The following PSMA1 variants were observed in gnomAD, a reference collection of about 807,000 sequenced individuals.
PSMA1 encodes the protein proteasome subunit alpha type-1.
In PSMA1, 3 loss-of-function variants were observed where a neutral mutation model predicts 38.4. The ratio of observed to expected loss-of-function variants is 0.08; its 90% CI spans 0.04 to 0.20. The LOEUF (loss-of-function observed/expected upper bound fraction) is 0.20, where lower values mean the gene tolerates loss of function less well. PSMA1 is among the 10% of genes least tolerant of loss of function. The pLI is 1.00. For missense variants in PSMA1, 227 were observed against 325.3 expected (o/e 0.70, Z 2.32); for synonymous variants, 101 against 107.1 (o/e 0.94, Z 0.35).
At chr11:14,557,665 G>A (rs1851956462) in intron 2 of PSMA1, among the ~76,000 whole-genome samples, 1 of 152,116 alleles carries the variant, frequency 6.6e-6, no homozygotes. Context: ...CATTCAGTCT[G>A]TAGACTTCCA....
At chr11:14,566,015 C>G (rs979054668) in intron 2 of PSMA1, among the ~76,000 whole-genome samples, 13 of 152,086 alleles carry the variant, frequency 8.5e-5, no homozygotes, top group African/African-American at 2.7e-4. Flanking sequence ...GCAGCTGGAA[C>G]AAAGGCCCCA....
intron 2 of PSMA1, among the ~76,000 whole-genome samples, chr11:14,533,405 A>G (rs1851670184): frequency 6.6e-6 from 1 of 152,216 alleles, no homozygotes; most frequent in Non-Finnish European, 1.5e-5. Flanking sequence ...TCTGGAATCA[A>G]GTAAGTGAAT....
intron 2 of PSMA1, among the ~76,000 whole-genome samples, chr11:14,551,118 G>A (rs185188193): frequency 5.9e-5 from 9 of 152,050 alleles, no homozygotes; most frequent in Non-Finnish European, 8.8e-5. Flanking sequence ...CATACATGCC[G>A]CAATTAACTA....
At chr11:14,600,399 G>A (rs951391323) in intron 2 of PSMA1, among the ~76,000 whole-genome samples, 7 of 152,128 alleles carry the variant, frequency 4.6e-5, no homozygotes, top group Admixed American at 1.3e-4. Context: ...TGTGGGCTCC[G>A]CTCAGTTCGA....
At position 14,520,173 on chromosome 11, in the gene PSMA1, G is replaced by T. The variant is rs1851504735; in HGVS notation, c.3+124C>A. The T allele has an allele frequency of 3.5e-6, 5 of 1,449,048 alleles. No homozygotes were observed. In the East Asian group the frequency reaches 1.1e-4, roughly 33 times the overall value. The allele number at this position is 1,449,048 out of a possible 1,614,324, so 89.8% of individuals were successfully genotyped here. On this transcript the variant is annotated intron_variant, in intron 1 of 9. Coordinates refer to ENST00000396394, the MANE Select transcript of PSMA1 (RefSeq NM_002786.4). ...GCTGAATCACTGCCGGAGCCCGGCC[G>T]TCTGCCGAGGCTCTCATACCTCGTG...
At chr11:14,606,068 A>T (rs966498706) in intron 2 of PSMA1, among the ~76,000 whole-genome samples, 1 of 152,254 alleles carries the variant, frequency 6.6e-6, no homozygotes, top group African/African-American at 2.4e-5. Flanking sequence ...GGTAAAATGT[A>T]GGGGCTCAGT....
intron 1 of PSMA1, among the ~76,000 whole-genome samples, chr11:14,642,404 G>A (rs1853222898): frequency 1.3e-5 from 2 of 152,156 alleles, no homozygotes; most frequent in Admixed American, 1.3e-4. Context: ...AAGCATTTGG[G>A]TAATACATTA....
intron 2 of PSMA1, among the ~76,000 whole-genome samples, chr11:14,541,857 CAG>C (rs1471291952): frequency 1.3e-5 from 2 of 152,204 alleles, no homozygotes; most frequent in Non-Finnish European, 2.9e-5. Context: ...AGCCTTTCTG[CAG>C]ATATCCTATA....
intron 1 of PSMA1, among the ~76,000 whole-genome samples, chr11:14,614,421 A>C (rs1221376552): frequency 6.6e-6 from 1 of 152,026 alleles, no homozygotes; most frequent in African/African-American, 2.4e-5. Flanking sequence ...CAAATAATGA[A>C]TTGTTCTTCT....
intron 2 of PSMA1, among the ~76,000 whole-genome samples, chr11:14,580,323 C>T (rs1852269577): frequency 6.6e-6 from 1 of 152,188 alleles, no homozygotes; most frequent in Non-Finnish European, 1.5e-5. Context: ...TCCTTTATTG[C>T]CTTCCTAGCC....
upstream of PSMA1, among the ~76,000 whole-genome samples, chr11:14,521,568 G>C (rs1313609830): frequency 1.3e-5 from 2 of 150,730 alleles, no homozygotes; most frequent in Non-Finnish European, 3.0e-5. Flanking sequence ...GGTGGATCAC[G>C]AGGTCAGGAG....
chr11:14,595,948 G>A (rs990589116), intron 2 of PSMA1, among the ~76,000 whole-genome samples: 5 of 152,148 alleles, frequency 3.3e-5, no homozygotes, highest in African/African-American at 4.8e-5. Flanking sequence ...TCCAGTTTCA[G>A]CTTTCTATAT....
intron 1 of PSMA1, among the ~76,000 whole-genome samples, chr11:14,613,137 G>A (rs1852729273): frequency 6.6e-6 from 1 of 151,946 alleles, no homozygotes; most frequent in Non-Finnish European, 1.5e-5. Flanking sequence ...AGTTAATAAT[G>A]TAAAATACAG....
chr11:14,635,521 T>C (rs1226787506), intron 1 of PSMA1, among the ~76,000 whole-genome samples: 1 of 152,232 alleles, frequency 6.6e-6, no homozygotes, highest in East Asian at 1.9e-4. Context: ...TGCTTTTGCC[T>C]GAATTATCTG....
chr11:14,636,928 T>A (rs1213921897), intron 1 of PSMA1, among the ~76,000 whole-genome samples: 1 of 152,232 alleles, frequency 6.6e-6, no homozygotes, highest in Non-Finnish European at 1.5e-5. Context: ...TTATAATGGT[T>A]TCTTAAACGA....
At chr11:14,551,563 C>T (rs1851885850) in intron 2 of PSMA1, among the ~76,000 whole-genome samples, 1 of 152,162 alleles carries the variant, frequency 6.6e-6, no homozygotes, top group Admixed American at 6.5e-5. Context: ...ATTGCAGCTC[C>T]ACAGACAAGG....
intron 1 of PSMA1, among the ~76,000 whole-genome samples, chr11:14,631,131 A>G (rs1002474988): frequency 5.3e-5 from 8 of 151,672 alleles, no homozygotes; most frequent in East Asian, 3.9e-4. Context: ...TGGATTCATT[A>G]ATTTTTTGAA....
In PSMA1 at chr11:14,517,973, A is replaced by G; in HGVS notation, c.57T>C (p.Ile19=). ...DVTVWSPQGR[I]HQIEYAMEAV... ...CTTCCATTGCATATTCAATTTGATG[A>G]ATCCTGCCCTAAAGAAAAAAAAAAC... Residue 19 remains isoleucine, a synonymous_variant, in exon 3 of 10, where the codon ATT becomes ATC. Transcript: ENST00000396394. 6.3e-7 allele frequency: 1 copy of G among 1,587,804 alleles called. No homozygotes were observed. Among genetic ancestry groups the G allele is most frequent in the Non-Finnish European group, 8.5e-7 (1 of 1,170,724 alleles).
intron 1 of PSMA1, among the ~76,000 whole-genome samples, chr11:14,643,048 A>T (rs1853238859): frequency 6.6e-6 from 1 of 151,972 alleles, no homozygotes; most frequent in Admixed American, 6.5e-5. Flanking sequence ...TACAAAATGG[A>T]AGGCGAGACG....
Sources: gnomAD v4.1 joint callset for allele counts (sites outside exome capture counted in the v4.1 genomes callset) on GRCh38, gnomAD v4.1.1 for gene constraint, MANE v1.5 for transcripts, NCBI Gene and HGNC (gene_info 2026-07-23, HGNC 2026-07-21) for gene names.